CASD1: variants seen among roughly 807,000 people sequenced by gnomAD.
CASD1 encodes the protein CAS1 domain sialic acid O acetyltransferase 1, also known as N-acetylneuraminate (7)9-O-acetyltransferase.
CASD1 carries 41 observed loss-of-function variants against 100.0 expected under a neutral mutation model. That is an observed-to-expected ratio of 0.41 (90% confidence interval 0.32 to 0.53). CASD1 has a LOEUF of 0.53. Ranked by LOEUF, CASD1 falls within the 20% of genes least tolerant of loss-of-function variation. CASD1 has a pLI of 0.25. For missense variants in CASD1, 774 were observed against 948.7 expected (o/e 0.82, Z 2.42); for synonymous variants, 321 against 315.6 (o/e 1.02, Z -0.18).
chr7:94,609,524 T>A, the CASD1 span, among the ~76,000 whole-genome samples: 4 of 152,142 alleles, frequency 2.6e-5, no homozygotes, highest in African/African-American at 9.7e-5. Flanking sequence ...ACAGTAAGAC[T>A]CTGTCTAAAA....
At chr7:94,628,137 T>TACACACACAC in the CASD1 span, 51 of 991,912 alleles carry the variant, frequency 5.1e-5, no homozygotes, top group Middle Eastern at 2.2e-4. Context: ...CAAATTACAA[T>TACACACACAC]ACACACACAC....
At chr7:94,626,761 G>A in the CASD1 span, 1 of 151,664 alleles carries the variant, frequency 6.6e-6, no homozygotes, top group South Asian at 2.1e-4. Context: ...TTCTTGTTTT[G>A]TTCCTGAATT....
chr7:94,570,901 C>A, the CASD1 span, among the ~76,000 whole-genome samples: 1 of 152,102 alleles, frequency 6.6e-6, no homozygotes, highest in East Asian at 1.9e-4. Context: ...TACTGGAGAT[C>A]TTTATTTCTT....
At chr7:94,526,782 ACT>A (rs1488971486) in intron 3 of CASD1, among the ~76,000 whole-genome samples, 1 of 152,202 alleles carries the variant, frequency 6.6e-6, no homozygotes, top group East Asian at 1.9e-4. Context: ...ACAGAGTGAG[ACT>A]CTGTCTCAGA....
At chr7:94,552,301 C>G (rs762412790) in intron 15 of CASD1, 49 bp from the exon 16 acceptor site, 1 of 1,293,004 alleles carries the variant, frequency 7.7e-7, no homozygotes, top group South Asian at 1.2e-5. Context: ...AGGCTTATGC[C>G]TCTTCCAGAC....
chr7:94,580,590 A>G, the CASD1 span, among the ~76,000 whole-genome samples: 1 of 152,216 alleles, frequency 6.6e-6, no homozygotes, highest in Admixed American at 6.5e-5. Flanking sequence ...TAACTTTCCT[A>G]ATCTTAGCAC....
chr7:94,550,881 GTC>G (rs2116412501), intron 14 of CASD1, among the ~76,000 whole-genome samples: 1 of 152,152 alleles, frequency 6.6e-6, no homozygotes, highest in African/African-American at 2.4e-5. Flanking sequence ...GTACTTTCCG[GTC>G]TACCATATTT....
At chr7:94,562,837 G>T in the CASD1 span, among the ~76,000 whole-genome samples, 1 of 152,128 alleles carries the variant, frequency 6.6e-6, no homozygotes, top group East Asian at 1.9e-4. Context: ...GTTCCAGTCT[G>T]GGAGTGGTTT....
chr7:94,511,231 A>G (rs150027334), intron 1 of CASD1, among the ~76,000 whole-genome samples: 57 of 152,330 alleles, frequency 3.7e-4, no homozygotes, highest in African/African-American at 1.2e-3. Context: ...TGTGAGATTA[A>G]TCAGTCAAGA....
At chr7:94,598,512 G>T in the CASD1 span, 2 of 419,514 alleles carry the variant, frequency 4.8e-6, no homozygotes, top group South Asian at 2.9e-5. Context: ...ATGTAATGTT[G>T]AGTTTAATAT....
intron 17 of CASD1, 91 bp downstream of exon 17, chr7:94,554,666 G>A (rs2116434087): frequency 1.4e-6 from 1 of 726,258 alleles, no homozygotes; most frequent in Non-Finnish European, 2.3e-6. Context: ...ACACATATAT[G>A]TGAGTATGAA....
chr7:94,631,303 T>G, the CASD1 span, among the ~76,000 whole-genome samples: 12 of 151,804 alleles, frequency 7.9e-5, no homozygotes, highest in African/African-American at 2.9e-4. Flanking sequence ...TTATACTTTT[T>G]TTTTTTTACC....
chr7:94,568,557 T>C, the CASD1 span, among the ~76,000 whole-genome samples: 4 of 152,180 alleles, frequency 2.6e-5, no homozygotes, highest in African/African-American at 9.7e-5. Context: ...TCTTATATTA[T>C]AGACAAAAGG....
At chr7:94,545,749 G>C in intron 12 of CASD1, 48 bp downstream of exon 12, 1 of 1,304,878 alleles carries the variant, frequency 7.7e-7, no homozygotes, top group Non-Finnish European at 1.0e-6. Flanking sequence ...TTTTCAACGT[G>C]TGAAATTTCT....
At position 94,545,135 on chromosome 7, in the gene CASD1, A is replaced by G. The variant is rs952322082; in HGVS notation, c.1477-410A>G. 2.6e-5 allele frequency among the ~76,000 whole-genome samples: 4 copies of G among 152,172 alleles called. No individual in the cohort carries two copies. In the South Asian group the frequency reaches 6.2e-4, roughly 24 times the overall value. On this transcript the variant is annotated intron_variant, in intron 11 of 17. Transcript: ENST00000297273. ...TGAGTTTTGAGTAATACTATTTTGT[A>G]TCTTTGACAACTCTTAATTTAATCC...
the CASD1 span, chr7:94,597,819 C>T: frequency 6.6e-6 from 1 of 152,202 alleles, no homozygotes; most frequent in Non-Finnish European, 1.5e-5. Flanking sequence ...CCAGCCTGGC[C>T]AACATGGTGA....
intron 5 of CASD1, among the ~76,000 whole-genome samples, chr7:94,530,249 C>T (rs552339340): frequency 6.6e-6 from 1 of 152,238 alleles, no homozygotes; most frequent in African/African-American, 2.4e-5. Flanking sequence ...GGGTTATTTC[C>T]TGCAAAGGAA....
chr7:94,514,955 A>T (rs916274504), intron 1 of CASD1, among the ~76,000 whole-genome samples: 3 of 152,146 alleles, frequency 2.0e-5, no homozygotes, highest in Admixed American at 6.5e-5. Flanking sequence ...ATTTTATTTT[A>T]AAAAATTTCT....
the CASD1 span, among the ~76,000 whole-genome samples, chr7:94,583,463 A>G: frequency 6.6e-6 from 1 of 152,188 alleles, no homozygotes; most frequent in East Asian, 1.9e-4. Flanking sequence ...ATGGTCCCTT[A>G]GTCAATTCTA....
Sources: gnomAD v4.1 joint callset for allele counts (sites outside exome capture counted in the v4.1 genomes callset) on GRCh38, gnomAD v4.1.1 for gene constraint, MANE v1.5 for transcripts, NCBI Gene and HGNC (gene_info 2026-07-23, HGNC 2026-07-21) for gene names.